RBMS3: variants seen among roughly 807,000 people sequenced by gnomAD.
The protein encoded by RBMS3 is RNA binding motif single stranded interacting protein 3, also known as RNA-binding motif, single-stranded-interacting protein 3.
RBMS3 carries 27 observed loss-of-function variants against 66.8 expected under a neutral mutation model. That is an observed-to-expected ratio of 0.40 (90% confidence interval 0.30 to 0.56). The LOEUF is 0.56. Ranked by LOEUF, RBMS3 falls within the 20% of genes least tolerant of loss-of-function variation. The pLI is 0.40. For synonymous variants in RBMS3, 188 were observed against 183.0 expected (o/e 1.03, Z -0.22); for missense variants, 513 against 549.5 (o/e 0.93, Z 0.66).
chr3:29,868,124 T>G (rs1238868420), intron 6 of RBMS3, among the ~76,000 whole-genome samples: 1 of 152,176 alleles, frequency 6.6e-6, no homozygotes, highest in African/African-American at 2.4e-5. Flanking sequence ...TCCAATGTAA[T>G]TGTTGGAAGA....
At chr3:29,989,061 G>A (rs532118615) in intron 13 of RBMS3, among the ~76,000 whole-genome samples, 9 of 152,246 alleles carry the variant, frequency 5.9e-5, no homozygotes, top group Non-Finnish European at 7.4e-5. Flanking sequence ...ATTCTAATAC[G>A]TACCAAAGAC....
chr3:29,656,296 T>G (rs765243133), intron 4 of RBMS3, among the ~76,000 whole-genome samples: 3 of 152,202 alleles, frequency 2.0e-5, no homozygotes, highest in Non-Finnish European at 2.9e-5. Context: ...AAATCTTTTA[T>G]ACCATGTTTT....
At position 29,965,728 on chromosome 3, in the gene RBMS3, TTTAA is replaced by T. The variant is rs781564959; in HGVS notation, c.1098+21479_1098+21482del. On this transcript the variant is annotated intron_variant, in intron 12 of 14. Coordinates refer to ENST00000383767, the MANE Select transcript of RBMS3 (RefSeq NM_001003793.3). Reference sequence around the variant, plus strand: ...CTTTTTCTGTACAAAAGCATCTTAGTTTAATTAAGCCCAAAAAACTTTATCTTTG... The same window carrying T: ...CTTTTTCTGTACAAAAGCATCTTAGTTTAAGCCCAAAAAACTTTATCTTTG... 2.6e-5 allele frequency among the ~76,000 whole-genome samples: 4 copies of T among 152,164 alleles called. No homozygotes were observed. In the East Asian group the frequency reaches 7.7e-4, roughly 29 times the overall value.
chr3:29,697,937 C>T (rs140142528), intron 4 of RBMS3, among the ~76,000 whole-genome samples: 13 of 152,302 alleles, frequency 8.5e-5, no homozygotes, highest in African/African-American at 3.1e-4. Flanking sequence ...ACTCTCCTGC[C>T]TGATATGCTT....
At chr3:29,443,226 C>G (rs978390211) in intron 2 of RBMS3, among the ~76,000 whole-genome samples, 7 of 151,980 alleles carry the variant, frequency 4.6e-5, no homozygotes, top group Non-Finnish European at 1.0e-4. Context: ...AATCAATTTC[C>G]AAGACCTCAA....
intron 3 of RBMS3, among the ~76,000 whole-genome samples, chr3:29,546,088 C>A (rs1443127984): frequency 6.7e-6 from 1 of 149,514 alleles, no homozygotes; most frequent in Admixed American, 6.7e-5. Context: ...ATGTTGCTGG[C>A]ACTGTTTGAT....
chr3:29,472,860 C>T (rs868131142), intron 2 of RBMS3, among the ~76,000 whole-genome samples: 14 of 152,220 alleles, frequency 9.2e-5, no homozygotes, highest in South Asian at 2.1e-4. Flanking sequence ...GGGTCCCAAG[C>T]GGTTGCCATG....
At chr3:29,349,313 T>C (rs1000812671) in intron 1 of RBMS3, among the ~76,000 whole-genome samples, 9 of 152,186 alleles carry the variant, frequency 5.9e-5, no homozygotes, top group African/African-American at 1.9e-4. Flanking sequence ...GTAACCCACA[T>C]CTTGTCCAGG....
At chr3:29,407,999 A>C (rs887650755) in intron 1 of RBMS3, among the ~76,000 whole-genome samples, 5 of 152,174 alleles carry the variant, frequency 3.3e-5, no homozygotes, top group Non-Finnish European at 7.3e-5. Context: ...TTGGCTGGGC[A>C]CGGTGACTCA....
At chr3:29,463,707 T>A (rs1483333070) in intron 2 of RBMS3, among the ~76,000 whole-genome samples, 1 of 151,720 alleles carries the variant, frequency 6.6e-6, no homozygotes, top group Non-Finnish European at 1.5e-5. Context: ...CTGGAACCCT[T>A]AGCATTAGTC....
At chr3:29,503,340 A>T (rs538440977) in intron 3 of RBMS3, among the ~76,000 whole-genome samples, 1 of 152,018 alleles carries the variant, frequency 6.6e-6, no homozygotes, top group Non-Finnish European at 1.5e-5. Context: ...ACCGAGATTT[A>T]CCTTGTCATT....
rs1251828925 is a variant in RBMS3, at chr3:29,546,567, G to T, written c.308-40547G>T. On this transcript the variant is annotated intron_variant, in intron 3 of 14. Transcript: ENST00000383767. ...GGTGTGCTTACCTTAAAATAAACTT[G>T]AGACTTTATTACAGTTCTGGAAGAA... Among the ~76,000 whole-genome samples, 3 of 152,254 alleles carry T rather than the reference G, an allele frequency of 2.0e-5. No individual in the cohort carries two copies. In the East Asian group the frequency reaches 5.8e-4, roughly 29 times the overall value.
At chr3:29,384,416 C>CAAATAATAA (rs2038907949) in intron 1 of RBMS3, among the ~76,000 whole-genome samples, 1 of 62,062 alleles carries the variant, frequency 1.6e-5, no homozygotes, top group African/African-American at 6.8e-5. Flanking sequence ...AACATATACA[C>CAAATAATAA]CAATAATAAT....
At chr3:29,875,832 G>A (rs2059599218) in intron 7 of RBMS3, among the ~76,000 whole-genome samples, 1 of 152,062 alleles carries the variant, frequency 6.6e-6, no homozygotes, top group African/African-American at 2.4e-5. Flanking sequence ...CAGGCTTCCA[G>A]TCTTAGTTCT....
intron 4 of RBMS3, among the ~76,000 whole-genome samples, chr3:29,658,109 T>C (rs553928758): frequency 6.6e-6 from 1 of 152,326 alleles, no homozygotes; most frequent in South Asian, 2.1e-4. Context: ...TTCTGAAACT[T>C]ATTTTCCTGT....
chr3:29,728,006 A>G (rs1576631014), intron 4 of RBMS3, among the ~76,000 whole-genome samples: 1 of 152,274 alleles, frequency 6.6e-6, no homozygotes, highest in Admixed American at 6.5e-5. Flanking sequence ...GCATATATAC[A>G]CCATGGAATA....
chr3:29,325,719 G>A (rs1266424024), intron 1 of RBMS3, among the ~76,000 whole-genome samples: 1 of 151,502 alleles, frequency 6.6e-6, no homozygotes, highest in African/African-American at 2.4e-5. Flanking sequence ...CAAACTCACA[G>A]GTGTTCTTCT....
At chr3:29,427,620 A>T (rs893675595) in intron 1 of RBMS3, among the ~76,000 whole-genome samples, 1 of 152,232 alleles carries the variant, frequency 6.6e-6, no homozygotes, top group African/African-American at 2.4e-5. Context: ...GGTAGTATGT[A>T]TTCATTTTTG....
At chr3:29,729,295 A>G (rs950139897) in intron 4 of RBMS3, among the ~76,000 whole-genome samples, 7 of 152,062 alleles carry the variant, frequency 4.6e-5, no homozygotes, top group African/African-American at 1.4e-4. Flanking sequence ...AGCTTCATCC[A>G]TGTCCCTGAA....
Sources: allele counts gnomAD v4.1 joint callset (sites outside exome capture counted in the v4.1 genomes callset), GRCh38; gene constraint gnomAD v4.1.1; transcripts MANE v1.5; gene names NCBI Gene and HGNC (gene_info 2026-07-23, HGNC 2026-07-21).